Variants in CCDC66 observed in about 807,000 individuals in gnomAD.
CCDC66 encodes coiled-coil domain containing 66.
CCDC66 carries 133 observed loss-of-function variants against 128.3 expected under a neutral mutation model. The ratio of observed to expected loss-of-function variants is 1.04; its 90% CI spans 0.90 to 1.20. The LOEUF (loss-of-function observed/expected upper bound fraction) is 1.20, where lower values mean the gene tolerates loss of function less well. CCDC66 is among the 50% of genes most tolerant of loss of function. The pLI is 0.00. For missense variants in CCDC66, 1,126 were observed against 1,075.5 expected, an observed-to-expected ratio of 1.05 and a Z score of -0.66; for synonymous variants, 387 against 357.0, an observed-to-expected ratio of 1.08 and a Z score of -0.95.
chr3:56,615,517 G>T, intron 12 of CCDC66: 1 of 410,222 alleles, frequency 2.4e-6, no homozygotes, highest in Non-Finnish European at 4.3e-6. Flanking sequence ...GGGATTACAG[G>T]TGTGAGTCAC....
In CCDC66 at chr3:56,597,776, G is replaced by GTTTTTTTTTTTT. The variant is rs753875788; in HGVS notation, c.1404+3748_1404+3749insTTTTTTTTTTTT. ...TTGTGGAGTCTAGGTTTTGTTTTGG[G>GTTTTTTTTTTTT]GTTTTTTTTTTTTTTTGAGACAGAG... On this transcript the variant is annotated intron_variant, in intron 10 of 17. Coordinates refer to ENST00000394672, the MANE Select transcript of CCDC66 (RefSeq NM_001141947.3). Among the ~76,000 whole-genome samples the GTTTTTTTTTTTT allele has an allele frequency of 1.9e-3, 116 of 61,832 alleles. 19 individuals carry two copies. Among genetic ancestry groups the GTTTTTTTTTTTT allele is most frequent in the Admixed American group, 2.5e-3 (9 of 3,618 alleles). 40.6% of individuals were successfully genotyped at this position (61,832 alleles called of 152,430 possible).
At chr3:56,558,728 A>G (rs1204302341) in intron 1 of CCDC66, 118 bp from the exon 2 acceptor site, 3 of 783,492 alleles carry the variant, frequency 3.8e-6, no homozygotes, top group African/African-American at 1.7e-5. Context: ...GATGTGTACA[A>G]GATTCCTGCA....
rs542569925 is a variant in CCDC66, at chr3:56,619,747, G to A, written c.2636-30G>A. 61 of 1,610,998 alleles carry A rather than the reference G, an allele frequency of 3.8e-5. 1 individual carries two copies. In the South Asian group the frequency reaches 6.0e-4, roughly 16 times the overall value. On this transcript the variant is annotated intron_variant, in intron 16 of 17. Coordinates refer to ENST00000394672, the MANE Select transcript of CCDC66 (RefSeq NM_001141947.3). ...GCTATGTCATTTTACTAATGTAATT[G>A]ACTGACTTGTTACTTTCATCTGGCT...
At chr3:56,593,179 G>A (rs1186788497) in intron 8 of CCDC66, 78 bp downstream of exon 8, 5 of 1,204,644 alleles carry the variant, frequency 4.2e-6, no homozygotes, top group South Asian at 1.5e-5. Context: ...GAAGTATTCT[G>A]AAACTCTTGA....
intron 7 of CCDC66, among the ~76,000 whole-genome samples, chr3:56,587,773 G>A (rs1269457605): frequency 6.6e-6 from 1 of 152,194 alleles, no homozygotes; most frequent in Non-Finnish European, 1.5e-5. Context: ...GGAGGCTGAG[G>A]CAGGAGAATT....
chr3:56,578,957 A>G (rs987575790), intron 7 of CCDC66, among the ~76,000 whole-genome samples: 82 of 151,638 alleles, frequency 5.4e-4, no homozygotes, highest in African/African-American at 1.4e-3. Flanking sequence ...CTCTTTTTCT[A>G]TTGATTGGAA....
chr3:56,571,046 G>A (rs887017782), intron 6 of CCDC66, 135 bp from the exon 7 acceptor site: 2 of 562,184 alleles, frequency 3.6e-6, no homozygotes, highest in Non-Finnish European at 2.9e-6. Flanking sequence ...TCTCCACTTT[G>A]TGAGTTAATC....
At chr3:56,564,980 C>G (rs1275296087) in intron 4 of CCDC66, among the ~76,000 whole-genome samples, 3 of 152,186 alleles carry the variant, frequency 2.0e-5, no homozygotes, top group African/African-American at 7.2e-5. Context: ...AACGAGAAAT[C>G]ATATCAACAA....
At position 56,596,850 on chromosome 3, in the gene CCDC66, G is replaced by A. The variant is rs1023553086; in HGVS notation, c.1404+2822G>A. Among the ~76,000 whole-genome samples the A allele has an allele frequency of 8.1e-5, 12 of 149,020 alleles. No individual in the cohort carries two copies. In the South Asian group the frequency reaches 1.5e-3, roughly 18 times the overall value. ...GCTCACTGCCGCCTCCACCTCCCAG[G>A]TTCAAGCAATTCTCCCTGCTCAGCC... On this transcript the variant is annotated intron_variant, in intron 10 of 17. Coordinates refer to ENST00000394672, the MANE Select transcript of CCDC66 (RefSeq NM_001141947.3).
chr3:56,619,877 TA>T lies in CCDC66; in HGVS notation c.2738del (p.Lys913ArgfsTer6), dbSNP rs1301747876. 1.9e-6 allele frequency: 3 copies of T among 1,614,026 alleles called. No homozygotes were observed. The highest frequency in any genetic ancestry group is 2.5e-6 in the Non-Finnish European group (3 of 1,179,940). On this transcript the variant is annotated frameshift_variant, in exon 17 of 18. Transcript: ENST00000394672. LOFTEE classifies it high-confidence loss of function. The part of the protein sequence containing the change: ...KNRDRQQAIL[K>X]GLSELRQGLL... ...ATAGGGATCGACAGCAAGCAATCCT[TA>T]AGGGACTTTCAGAACTGAGACAGGT... is the stretch of plus-strand genomic sequence containing the variant.
intron 7 of CCDC66, among the ~76,000 whole-genome samples, chr3:56,584,705 G>A (rs1460226342): frequency 1.3e-5 from 2 of 151,918 alleles, no homozygotes; most frequent in Non-Finnish European, 2.9e-5. Flanking sequence ...CCGGGCAGAG[G>A]CTGCAATCTC....
chr3:56,593,957 AT>A lies in CCDC66; in HGVS notation c.1334del (p.Met445ArgfsTer21). 6.2e-7 allele frequency: 1 copy of A among 1,614,186 alleles called. No individual in the cohort carries two copies. The highest frequency in any genetic ancestry group is 8.5e-7 in the Non-Finnish European group (1 of 1,180,026). ...NSKKTNFLRS[M>X]TALLDPAQIE... ...GTATCTTGCCAGCTTTCTCCGTTCT[AT>A]GACTGCTCTCTTGGACCCAGCTCAG... On this transcript the variant is annotated frameshift_variant, in exon 10 of 18. Coordinates refer to ENST00000394672, the MANE Select transcript of CCDC66 (RefSeq NM_001141947.3). LOFTEE classifies it high-confidence loss of function.
chr3:56,595,144 A>G (rs943196601), intron 10 of CCDC66, among the ~76,000 whole-genome samples: 2 of 152,210 alleles, frequency 1.3e-5, no homozygotes, highest in African/African-American at 2.4e-5. Context: ...TTATATATTT[A>G]TAGGATACAT....
intron 7 of CCDC66, among the ~76,000 whole-genome samples, chr3:56,578,223 G>C (rs559079363): frequency 6.6e-6 from 1 of 151,290 alleles, no homozygotes; most frequent in East Asian, 2.0e-4. Context: ...TGTTCTTGGT[G>C]TATAGGAATG....
At chr3:56,562,290 T>C (rs2107730038) in intron 3 of CCDC66, among the ~76,000 whole-genome samples, 1 of 152,184 alleles carries the variant, frequency 6.6e-6, no homozygotes, top group South Asian at 2.1e-4. Flanking sequence ...GCTCAAGCGA[T>C]CCTTCCGCCT....
At chr3:56,558,932 T>A (rs1292960079) in intron 2 of CCDC66, 22 bp downstream of exon 2, 1 of 1,490,810 alleles carries the variant, frequency 6.7e-7, no homozygotes, top group Admixed American at 2.2e-5. Flanking sequence ...TACAGAAATC[T>A]GAAATGTTAA....
rs1188117975 is a variant in CCDC66, at chr3:56,563,879, A to G, written c.298A>G (p.Ile100Val). 14 of 1,607,494 alleles carry G rather than the reference A, an allele frequency of 8.7e-6. No homozygotes were observed. Among genetic ancestry groups the G allele is most frequent in the Non-Finnish European group, 1.2e-5 (14 of 1,175,966 alleles). ...CACTAAGGATTTATGTAAACAATGT[A>G]TAGATAAAGACTGTCTTCATATCCA... The part of the protein sequence containing the change: ...SSTKDLCKQC[I>V]DKDCLHIQKE... The change falls in exon 4 of 18, where the codon ATA becomes GTA. Residue 100 changes from isoleucine (I) to valine (V), a missense_variant. Physicochemically the swap from Ile to Val is conservative, Grantham distance 29. Coordinates refer to ENST00000394672, the MANE Select transcript of CCDC66 (RefSeq NM_001141947.3).
chr3:56,614,624 T>C (rs182895617), intron 11 of CCDC66, among the ~76,000 whole-genome samples: 1 of 152,206 alleles, frequency 6.6e-6, no homozygotes, highest in Non-Finnish European at 1.5e-5. Flanking sequence ...GCTAAAGTTT[T>C]AAAGTGTAGA....
intron 7 of CCDC66, among the ~76,000 whole-genome samples, chr3:56,578,913 T>C (rs1393790791): frequency 6.6e-6 from 1 of 151,984 alleles, no homozygotes; most frequent in Admixed American, 6.6e-5. Context: ...ATCAGGATGA[T>C]GTTGGTCTCA....
Sources: gnomAD v4.1 joint callset for allele counts (sites outside exome capture counted in the v4.1 genomes callset) on GRCh38, gnomAD v4.1.1 for gene constraint, MANE v1.5 for transcripts, NCBI Gene and HGNC (gene_info 2026-07-23, HGNC 2026-07-21) for gene names.